The following ZNF385D variants were observed in gnomAD, a reference collection of about 807,000 sequenced individuals.
The protein encoded by ZNF385D is zinc finger protein 385D, also known as zinc finger protein 659.
ZNF385D carries 15 observed loss-of-function variants against 35.8 expected under a neutral mutation model. The ratio of observed to expected loss-of-function variants is 0.42; its 90% CI spans 0.28 to 0.64. The LOEUF is 0.64. Among genes scored for constraint, ZNF385D ranks in the 30% least tolerant of loss-of-function variants. The pLI, the probability that ZNF385D is intolerant of heterozygous loss-of-function variation, is 0.23. For missense variants in ZNF385D, 474 were observed against 494.6 expected (o/e 0.96, Z 0.39); for synonymous variants, 212 against 186.8 (o/e 1.13, Z -1.10).
At chr3:21,975,702 AATATATATATATATATATATATAT>A (rs56303677) in intron 3 of ZNF385D, among the ~76,000 whole-genome samples, 2,635 of 124,000 alleles carry the variant, frequency 0.021, 125 homozygotes, top group East Asian at 0.1. Context: ...GTACCCACGA[AATATATATATATATATATATATAT>A]ATATATATAT....
At chr3:21,660,813 C>T (rs1013939722) in intron 2 of ZNF385D, among the ~76,000 whole-genome samples, 1 of 152,178 alleles carries the variant, frequency 6.6e-6, no homozygotes, top group African/African-American at 2.4e-5. Context: ...TTTTATTGTA[C>T]AGGACACTGG....
At chr3:22,202,920 A>T (rs974602614) in intron 2 of ZNF385D, among the ~76,000 whole-genome samples, 4 of 152,120 alleles carry the variant, frequency 2.6e-5, no homozygotes, top group African/African-American at 7.2e-5. Context: ...ACTGTGGGCT[A>T]AAGTGTTTTG....
intron 1 of ZNF385D, among the ~76,000 whole-genome samples, chr3:21,697,232 G>A (rs2067502324): frequency 6.6e-6 from 1 of 152,064 alleles, no homozygotes; most frequent in East Asian, 1.9e-4. Context: ...TGCTTACTTT[G>A]GGTGAGATGC....
intron 2 of ZNF385D, among the ~76,000 whole-genome samples, chr3:21,632,945 T>C (rs1342618763): frequency 6.6e-6 from 1 of 152,118 alleles, no homozygotes; most frequent in African/African-American, 2.4e-5. Flanking sequence ...ATGAATTCAT[T>C]TATAGGGAAG....
At chr3:21,995,310 C>A (rs1470621039) in intron 3 of ZNF385D, among the ~76,000 whole-genome samples, 1 of 152,162 alleles carries the variant, frequency 6.6e-6, no homozygotes, top group Admixed American at 6.5e-5. Flanking sequence ...ATTCCCAGGC[C>A]CCCATCAGTG....
chr3:22,129,750 G>A (rs1559391769), intron 3 of ZNF385D, among the ~76,000 whole-genome samples: 3 of 152,142 alleles, frequency 2.0e-5, no homozygotes, highest in African/African-American at 7.2e-5. Flanking sequence ...CCCAAGGTGG[G>A]CCTAAAAACA....
chr3:21,462,981 C>A (rs2125317497), intron 4 of ZNF385D, among the ~76,000 whole-genome samples: 1 of 152,040 alleles, frequency 6.6e-6, no homozygotes, highest in African/African-American at 2.4e-5. Flanking sequence ...AAAACTCTAT[C>A]TCAAAAACAA....
intron 3 of ZNF385D, among the ~76,000 whole-genome samples, chr3:21,761,533 AT>A (rs1257418439): frequency 2.0e-5 from 3 of 152,190 alleles, no homozygotes; most frequent in African/African-American, 4.8e-5. Context: ...CCATGAAGTG[AT>A]AATGTGAGAA....
intron 3 of ZNF385D, among the ~76,000 whole-genome samples, chr3:21,956,183 T>C (rs1404595842): frequency 6.6e-6 from 1 of 150,504 alleles, no homozygotes; most frequent in African/African-American, 2.4e-5. Context: ...TGAGACTATG[T>C]CTCAGGAAAC....
intron 3 of ZNF385D, among the ~76,000 whole-genome samples, chr3:22,000,149 C>G (rs1015947048): frequency 6.6e-6 from 1 of 152,010 alleles, no homozygotes; most frequent in African/African-American, 2.4e-5. Context: ...ACTCAAAATA[C>G]AAAAAATTAG....
intron 4 of ZNF385D, among the ~76,000 whole-genome samples, chr3:21,440,549 TA>T (rs1029406017): frequency 6.6e-6 from 1 of 152,008 alleles, no homozygotes; most frequent in Non-Finnish European, 1.5e-5. Flanking sequence ...GAACATTAGG[TA>T]AAAACTTGGA....
At chr3:22,298,707 A>G (rs1476353135) in intron 2 of ZNF385D, among the ~76,000 whole-genome samples, 22 of 148,830 alleles carry the variant, frequency 1.5e-4, no homozygotes, top group African/African-American at 5.4e-4. Flanking sequence ...AACAACAAAA[A>G]CCAAAAAAAA....
chr3:21,875,928 C>A (rs765867779), intron 3 of ZNF385D, among the ~76,000 whole-genome samples: 8 of 152,044 alleles, frequency 5.3e-5, no homozygotes, highest in South Asian at 2.1e-4. Flanking sequence ...CATTTAGAAA[C>A]CTTAATATCA....
chr3:21,542,353 T>TA (rs1358617885), intron 3 of ZNF385D, among the ~76,000 whole-genome samples: 1 of 150,698 alleles, frequency 6.6e-6, no homozygotes, highest in Admixed American at 6.6e-5. Context: ...TTCTTTTTTT[T>TA]TTTTTCCCAG....
chr3:21,946,589 T>C (rs1559780737), intron 3 of ZNF385D, among the ~76,000 whole-genome samples: 1 of 152,168 alleles, frequency 6.6e-6, no homozygotes, highest in Non-Finnish European at 1.5e-5. Flanking sequence ...CCCAGAACTT[T>C]GGGAGGCTGA....
intron 3 of ZNF385D, among the ~76,000 whole-genome samples, chr3:22,145,486 G>A (rs936571367): frequency 6.6e-6 from 1 of 152,174 alleles, no homozygotes; most frequent in Non-Finnish European, 1.5e-5. Context: ...CTTTGCCTAT[G>A]AAGGCAATTT....
intron 3 of ZNF385D, among the ~76,000 whole-genome samples, chr3:21,865,780 C>A (rs187757143): frequency 6.6e-6 from 1 of 152,050 alleles, no homozygotes. Flanking sequence ...GAAATTCAAG[C>A]ACCAGTAATT....
At chr3:22,286,710 TCTTA>T (rs1433331681) in intron 2 of ZNF385D, among the ~76,000 whole-genome samples, 1 of 152,150 alleles carries the variant, frequency 6.6e-6, no homozygotes, top group Non-Finnish European at 1.5e-5. Context: ...TGATTCCTCC[TCTTA>T]CTGATTTCTA....
intron 3 of ZNF385D, among the ~76,000 whole-genome samples, chr3:22,060,100 C>G (rs569787095): frequency 7.2e-5 from 11 of 152,302 alleles, no homozygotes; most frequent in Non-Finnish European, 1.5e-4. Context: ...GTTCTCAGAA[C>G]TTTGACCTCA....
Sources: gnomAD v4.1 joint callset for allele counts (sites outside exome capture counted in the v4.1 genomes callset) on GRCh38, gnomAD v4.1.1 for gene constraint, MANE v1.5 for transcripts, NCBI Gene and HGNC (gene_info 2026-07-23, HGNC 2026-07-21) for gene names.